KCNMA1: variants seen among roughly 807,000 people sequenced by gnomAD.
KCNMA1 encodes potassium calcium-activated channel subfamily M alpha 1, also known as Calcium-activated potassium channel subunit alpha-1.
KCNMA1 carries 29 observed loss-of-function variants against 140.0 expected under a neutral mutation model. The ratio of observed to expected loss-of-function variants is 0.21; its 90% CI spans 0.15 to 0.28. The LOEUF is 0.28. KCNMA1 is among the 10% of genes least tolerant of loss of function. The probability of loss-of-function intolerance (pLI) is 1.00; values close to 1 mark genes in which losing one functional copy is unlikely to be tolerated. For missense variants in KCNMA1, 880 were observed against 1,602.2 expected (o/e 0.55, Z 7.70); for synonymous variants, 612 against 611.9 (o/e 1.00, Z 0.00).
rs541930483 is a variant in KCNMA1 at position 77,051,263 on chromosome 10, G to A, written c.1750-11626C>T. 2.3e-4 allele frequency among the ~76,000 whole-genome samples: 35 copies of A among 152,192 alleles called. No individual in the cohort carries two copies. In the East Asian group the frequency reaches 5.6e-3, roughly 24 times the overall value. On this transcript the variant is annotated intron_variant, in intron 14 of 27. Coordinates refer to ENST00000286628, the MANE Select transcript of KCNMA1 (RefSeq NM_001161352.2). ...CCATACAATATGGCCTAATAAAGTC[G>A]CGCCAAAGAGACTAGATTTCATTTC... is the stretch of plus-strand genomic sequence containing the variant.
chr10:77,410,275 G>A (rs377751690), intron 1 of KCNMA1, among the ~76,000 whole-genome samples: 28 of 152,234 alleles, frequency 1.8e-4, no homozygotes, highest in East Asian at 1.2e-3. Context: ...GCTCTCACCC[G>A]GTTGGACTCT....
chr10:77,152,771 T>C (rs1256810037), intron 5 of KCNMA1, among the ~76,000 whole-genome samples: 2 of 152,196 alleles, frequency 1.3e-5, no homozygotes, highest in Non-Finnish European at 2.9e-5. Context: ...CCACCTGCAC[T>C]ACAGGTAAGG....
chr10:77,605,158 C>G (rs1390924448), intron 1 of KCNMA1, among the ~76,000 whole-genome samples: 1 of 152,208 alleles, frequency 6.6e-6, no homozygotes, highest in Non-Finnish European at 1.5e-5. Flanking sequence ...CAGCCGCAGC[C>G]CAGGGGCACA....
At chr10:76,956,388 C>T (rs1241930503) in intron 20 of KCNMA1, among the ~76,000 whole-genome samples, 1 of 152,152 alleles carries the variant, frequency 6.6e-6, no homozygotes, top group Non-Finnish European at 1.5e-5. Flanking sequence ...TGCCACACTA[C>T]ACTCTACTCC....
chr10:77,306,584 A>T (rs2077795412), intron 2 of KCNMA1, among the ~76,000 whole-genome samples: 1 of 152,254 alleles, frequency 6.6e-6, no homozygotes, highest in South Asian at 2.1e-4. Flanking sequence ...TTCCAAGTGC[A>T]ATAGAAATAA....
intron 1 of KCNMA1, chr10:77,587,805 G>A (rs1050119051): frequency 3.0e-6 from 3 of 985,236 alleles, no homozygotes; most frequent in South Asian, 9.4e-5. Context: ...CAGATGCAGG[G>A]CCCCAGGTGG....
intron 1 of KCNMA1, among the ~76,000 whole-genome samples, chr10:77,554,096 G>C (rs1404616893): frequency 6.6e-6 from 1 of 152,116 alleles, no homozygotes; most frequent in East Asian, 1.9e-4. Flanking sequence ...GGCGACACAA[G>C]CTCTTCAAAG....
intron 24 of KCNMA1, 99 bp from the exon 25 acceptor site, chr10:76,910,195 T>A: frequency 7.3e-7 from 1 of 1,372,050 alleles, no homozygotes; most frequent in Non-Finnish European, 1.0e-6. Context: ...CTGAAGTCAT[T>A]GAGAAGGAAA....
chr10:77,121,997 A>C (rs1258389924), intron 5 of KCNMA1, among the ~76,000 whole-genome samples: 1 of 152,240 alleles, frequency 6.6e-6, no homozygotes, highest in East Asian at 1.9e-4. Flanking sequence ...CATTTTATTA[A>C]GCACCGCCAC....
intron 3 of KCNMA1, among the ~76,000 whole-genome samples, chr10:77,236,120 C>T (rs2055348751): frequency 6.6e-6 from 1 of 152,154 alleles, no homozygotes; most frequent in African/African-American, 2.4e-5. Context: ...GATCCAGTCC[C>T]AGTAAAAACT....
intron 10 of KCNMA1, among the ~76,000 whole-genome samples, chr10:77,089,058 A>C (rs1456048315): frequency 6.6e-6 from 1 of 152,252 alleles, no homozygotes; most frequent in Non-Finnish European, 1.5e-5. Context: ...GATGGGCCAC[A>C]CAGCAGGTAA....
intron 2 of KCNMA1, among the ~76,000 whole-genome samples, chr10:77,333,441 G>GAAGAA (rs371118624): frequency 1.9e-4 from 28 of 150,338 alleles, no homozygotes; most frequent in African/African-American, 4.4e-4. Context: ...AAAGAAAAGA[G>GAAGAA]AAGAAAAGAA....
intron 3 of KCNMA1, among the ~76,000 whole-genome samples, chr10:77,190,562 A>G (rs1227199689): frequency 6.6e-6 from 1 of 152,166 alleles, no homozygotes; most frequent in Non-Finnish European, 1.5e-5. Flanking sequence ...GGCTCATGCA[A>G]AAATGATGGG....
At chr10:77,608,506 T>C (rs2673461) in intron 1 of KCNMA1, among the ~76,000 whole-genome samples, 33,392 of 152,016 alleles carry the variant, frequency 0.22, 3,957 homozygotes, top group African/African-American at 0.27. Flanking sequence ...AAGCCTTCCC[T>C]GAGCCCCGGC....
At chr10:77,176,652 C>T (rs1444745408) in intron 5 of KCNMA1, among the ~76,000 whole-genome samples, 1 of 152,112 alleles carries the variant, frequency 6.6e-6, no homozygotes, top group African/African-American at 2.4e-5. Flanking sequence ...TGAACAGGGG[C>T]CCGGATCCCA....
intron 25 of KCNMA1, among the ~76,000 whole-genome samples, chr10:76,907,816 A>C (rs1590188416): frequency 6.6e-6 from 1 of 152,296 alleles, no homozygotes; most frequent in East Asian, 1.9e-4. Flanking sequence ...GCTGGGTTAC[A>C]AGCGGTAGCC....
At chr10:77,495,421 C>G (rs1417666595) in intron 1 of KCNMA1, among the ~76,000 whole-genome samples, 2 of 152,214 alleles carry the variant, frequency 1.3e-5, no homozygotes, top group Non-Finnish European at 2.9e-5. Context: ...GGTCACGACA[C>G]CTTCCTGGTC....
intron 3 of KCNMA1, among the ~76,000 whole-genome samples, chr10:77,228,153 C>T (rs559419): frequency 0.66 from 100,097 of 151,412 alleles, 33,750 homozygotes; most frequent in Admixed American, 0.75. Flanking sequence ...TTCGTAGAGA[C>T]GGGGTTTCAC....
At chr10:76,981,252 G>A (rs896973787) in intron 19 of KCNMA1, among the ~76,000 whole-genome samples, 5 of 151,902 alleles carry the variant, frequency 3.3e-5, no homozygotes, top group Non-Finnish European at 7.4e-5. Flanking sequence ...CCCTAGCCTT[G>A]CATCTCATTC....
Sources: gnomAD v4.1 joint callset for allele counts (sites outside exome capture counted in the v4.1 genomes callset) on GRCh38, gnomAD v4.1.1 for gene constraint, MANE v1.5 for transcripts, NCBI Gene and HGNC (gene_info 2026-07-23, HGNC 2026-07-21) for gene names.